Variants in PDE4D observed in about 807,000 individuals in gnomAD.
PDE4D encodes phosphodiesterase 4D, also known as 3',5'-cyclic-AMP phosphodiesterase 4D.
A neutral mutation model predicts 87.4 loss-of-function variants in PDE4D; 24 were observed. That is an observed-to-expected ratio of 0.27 (90% CI 0.20 to 0.39). The LOEUF is 0.39. Ranked by LOEUF, PDE4D falls within the 10% of genes least tolerant of loss-of-function variation. The pLI is 1.00. For missense variants in PDE4D, 714 were observed against 1,041.0 expected, an observed-to-expected ratio of 0.69 and a Z score of 4.32; for synonymous variants, 384 against 383.2, an observed-to-expected ratio of 1.00 and a Z score of -0.02.
At chr5:59,840,788 G>A (rs1401954201) in intron 1 of PDE4D, among the ~76,000 whole-genome samples, 2 of 152,036 alleles carry the variant, frequency 1.3e-5, no homozygotes, top group Admixed American at 1.3e-4. Flanking sequence ...TTGTAATATA[G>A]TGCTTTCTGG....
At chr5:59,514,177 C>T (rs1332783824) in intron 1 of PDE4D, among the ~76,000 whole-genome samples, 1 of 151,004 alleles carries the variant, frequency 6.6e-6, no homozygotes, top group Non-Finnish European at 1.5e-5. Context: ...GCGATCTCGG[C>T]TCACTGCATG....
At chr5:60,100,820 A>C (rs1401380519) in intron 2 of PDE4D, among the ~76,000 whole-genome samples, 3 of 152,134 alleles carry the variant, frequency 2.0e-5, no homozygotes, top group Non-Finnish European at 1.5e-5. Flanking sequence ...AAATATGTTC[A>C]CACATACACA....
chr5:59,482,492 C>G (rs1234130846), intron 1 of PDE4D, among the ~76,000 whole-genome samples: 1 of 152,058 alleles, frequency 6.6e-6, no homozygotes, highest in Non-Finnish European at 1.5e-5. Flanking sequence ...GCAAAATCAT[C>G]CCTGTAGTGA....
chr5:59,347,308 C>A (rs374969294), intron 1 of PDE4D, among the ~76,000 whole-genome samples: 2 of 152,094 alleles, frequency 1.3e-5, no homozygotes, highest in South Asian at 2.1e-4. Context: ...GGGTAATCCA[C>A]AAATCAATTA....
intron 1 of PDE4D, among the ~76,000 whole-genome samples, chr5:59,544,503 A>G (rs891837652): frequency 1.3e-5 from 2 of 152,250 alleles, no homozygotes; most frequent in Non-Finnish European, 2.9e-5. Context: ...TAATTTAGCT[A>G]TATGAGACTG....
intron 2 of PDE4D, among the ~76,000 whole-genome samples, chr5:60,084,461 T>A (rs1774322684): frequency 6.6e-6 from 1 of 152,122 alleles, no homozygotes; most frequent in African/African-American, 2.4e-5. Context: ...ATGGGCCTGT[T>A]TGAGAATTTG....
rs188392107 is a variant in PDE4D at position 60,335,424 on chromosome 5, C to T, written c.-89-149737G>A. On this transcript the variant is annotated intron_variant, in intron 1 of 16. Transcript: ENST00000502484. ...CTGCCCAGATACCAAAAGACAGAGGCCCTCTCTCTCCTGATGGTTACTTTT... is the reference window on the plus strand; with the variant it reads ...CTGCCCAGATACCAAAAGACAGAGGTCCTCTCTCTCCTGATGGTTACTTTT... 3.3e-5 allele frequency among the ~76,000 whole-genome samples: 5 copies of T among 152,236 alleles called. No individual in the cohort carries two copies. In the East Asian group the frequency reaches 7.7e-4, roughly 23 times the overall value.
intron 5 of PDE4D, among the ~76,000 whole-genome samples, chr5:59,090,627 T>C (rs1333635434): frequency 6.6e-6 from 1 of 152,010 alleles, no homozygotes; most frequent in Non-Finnish European, 1.5e-5. Flanking sequence ...GAGACAGTCC[T>C]GTATTATAAA....
rs548420423 is a variant in PDE4D, at chr5:59,050,149, C to T, written c.809-11178G>A. On this transcript the variant is annotated intron_variant, in intron 5 of 14. Transcript: ENST00000340635. ...ACGCATGGTGGCGGGTGCCTGTAAT[C>T]CCAGCTACTTGGGAGGCTGAGGCAG... Among the ~76,000 whole-genome samples, 4 of 152,262 alleles carry T rather than the reference C, an allele frequency of 2.6e-5. No homozygotes were observed. In the South Asian group the frequency reaches 8.3e-4, roughly 32 times the overall value.
At chr5:59,866,760 T>A (rs1463877401) in intron 1 of PDE4D, among the ~76,000 whole-genome samples, 1 of 152,186 alleles carries the variant, frequency 6.6e-6, no homozygotes, top group East Asian at 1.9e-4. Flanking sequence ...AAGTCTGTCT[T>A]GAGTTTGAGG....
At chr5:59,584,569 T>C (rs1400686186) in intron 1 of PDE4D, among the ~76,000 whole-genome samples, 4 of 152,194 alleles carry the variant, frequency 2.6e-5, no homozygotes, top group Non-Finnish European at 5.9e-5. Flanking sequence ...ATAAGCAAAT[T>C]TGCATTCTTT....
At chr5:59,123,767 T>G (rs1334942249) in intron 5 of PDE4D, among the ~76,000 whole-genome samples, 1 of 152,128 alleles carries the variant, frequency 6.6e-6, no homozygotes, top group Non-Finnish European at 1.5e-5. Context: ...AGTGGTTTGT[T>G]TGAAAGGAGC....
chr5:59,575,017 TGA>T (rs1822892420), intron 1 of PDE4D, among the ~76,000 whole-genome samples: 1 of 152,176 alleles, frequency 6.6e-6, no homozygotes, highest in Admixed American at 6.5e-5. Flanking sequence ...GCTAGAATAA[TGA>T]GAGAAATTAA....
At chr5:59,731,383 T>G (rs986659316) in intron 1 of PDE4D, among the ~76,000 whole-genome samples, 2 of 152,072 alleles carry the variant, frequency 1.3e-5, no homozygotes, top group Non-Finnish European at 2.9e-5. Context: ...CAGGCCCATA[T>G]GCTGAGGATG....
chr5:59,188,920 T>C (rs1264835800), intron 3 of PDE4D, among the ~76,000 whole-genome samples: 1 of 152,150 alleles, frequency 6.6e-6, no homozygotes, highest in Admixed American at 6.5e-5. Flanking sequence ...GTAATTTAAA[T>C]TAATTAAGGC....
chr5:60,359,237 T>C (rs1283763823), intron 1 of PDE4D, among the ~76,000 whole-genome samples: 1 of 151,942 alleles, frequency 6.6e-6, no homozygotes, highest in African/African-American at 2.4e-5. Context: ...CAAAACCCCA[T>C]CTCCACCAAA....
chr5:60,240,095 G>A (rs915387323), intron 1 of PDE4D, among the ~76,000 whole-genome samples: 4 of 151,592 alleles, frequency 2.6e-5, no homozygotes, highest in African/African-American at 9.7e-5. Flanking sequence ...GTCTTTTCAG[G>A]GCTTTCAGTT....
intron 5 of PDE4D, among the ~76,000 whole-genome samples, chr5:59,130,605 G>A (rs1456515138): frequency 6.6e-6 from 1 of 152,208 alleles, no homozygotes; most frequent in Non-Finnish European, 1.5e-5. Flanking sequence ...AGTGAAACTG[G>A]AGTGGTCTGC....
At chr5:60,211,401 G>T (rs1743200653) in intron 1 of PDE4D, among the ~76,000 whole-genome samples, 1 of 150,602 alleles carries the variant, frequency 6.6e-6, no homozygotes, top group Admixed American at 6.6e-5. Flanking sequence ...ATTTCATATG[G>T]CACAGGTCTC....
Sources: allele counts gnomAD v4.1 joint callset (sites outside exome capture counted in the v4.1 genomes callset), GRCh38; gene constraint gnomAD v4.1.1; transcripts MANE v1.5; gene names NCBI Gene and HGNC (gene_info 2026-07-23, HGNC 2026-07-21).